GARIN2: variants seen among roughly 807,000 people sequenced by gnomAD.
The protein encoded by GARIN2 is Golgi-associated RAB2 interactor protein 2.
the GARIN2 span, chr14:67,224,113 G>A: frequency 4.9e-5 from 33 of 670,898 alleles, no homozygotes; most frequent in Non-Finnish European, 5.7e-5. Flanking sequence ...AGCAGTTTGC[G>A]AAAGTTAAAT....
At chr14:67,198,590 A>C in the GARIN2 span, among the ~76,000 whole-genome samples, 2 of 152,136 alleles carry the variant, frequency 1.3e-5, no homozygotes, top group Non-Finnish European at 2.9e-5. Context: ...AAATTACATG[A>C]AGCCGTTTTT....
At chr14:67,209,440 A>C in the GARIN2 span, among the ~76,000 whole-genome samples, 1 of 152,218 alleles carries the variant, frequency 6.6e-6, no homozygotes, top group Non-Finnish European at 1.5e-5. Flanking sequence ...AAGTTGATTG[A>C]TTGCATAACA....
the GARIN2 span, chr14:67,198,107 A>G: frequency 6.4e-7 from 1 of 1,571,268 alleles, no homozygotes; most frequent in African/African-American, 1.4e-5. Context: ...TTCTCTCTGT[A>G]TCCACTAATT....
chr14:67,222,533 C>T, the GARIN2 span, among the ~76,000 whole-genome samples: 1 of 152,138 alleles, frequency 6.6e-6, no homozygotes, highest in African/African-American at 2.4e-5. Flanking sequence ...ACCTGGGCCT[C>T]CCAAAGTGCT....
At chr14:67,208,088 C>T in the GARIN2 span, 69 of 1,446,790 alleles carry the variant, frequency 4.8e-5, no homozygotes, top group East Asian at 3.3e-4. Flanking sequence ...CTACTCCTCA[C>T]GGGTGCTCAG....
At chr14:67,206,860 A>G in the GARIN2 span, among the ~76,000 whole-genome samples, 1 of 152,008 alleles carries the variant, frequency 6.6e-6, no homozygotes, top group Non-Finnish European at 1.5e-5. Context: ...CTTTCCAAGT[A>G]GCTGGGATTA....
At chr14:67,204,758 C>T in the GARIN2 span, 107 of 1,613,448 alleles carry the variant, frequency 6.6e-5, no homozygotes, top group Non-Finnish European at 8.2e-5. Context: ...TCAGGAATTA[C>T]GAATAGCACA....
chr14:67,218,689 C>A, the GARIN2 span, among the ~76,000 whole-genome samples: 2 of 152,080 alleles, frequency 1.3e-5, no homozygotes, highest in South Asian at 4.1e-4. Flanking sequence ...GGGATGGAGG[C>A]ACTGCGGAAC....
chr14:67,201,620 G>A, the GARIN2 span: 70 of 444,370 alleles, frequency 1.6e-4, no homozygotes, highest in South Asian at 1.1e-3. Context: ...AAGGGGTGTG[G>A]AGTGGAACCA....
the GARIN2 span, among the ~76,000 whole-genome samples, chr14:67,191,730 A>G: frequency 6.6e-6 from 1 of 152,238 alleles, no homozygotes; most frequent in Non-Finnish European, 1.5e-5. Context: ...TGGAACGTCT[A>G]GAGAGCAGCT....
At chr14:67,219,868 T>G in the GARIN2 span, among the ~76,000 whole-genome samples, 1 of 152,172 alleles carries the variant, frequency 6.6e-6, no homozygotes, top group Non-Finnish European at 1.5e-5. Flanking sequence ...TAAGTAATCC[T>G]CTTAAGCCCA....
the GARIN2 span, among the ~76,000 whole-genome samples, chr14:67,195,982 C>T: frequency 6.6e-6 from 1 of 152,214 alleles, no homozygotes; most frequent in East Asian, 1.9e-4. Context: ...GATGGGGTTT[C>T]GCCATGTTGG....
At chr14:67,204,299 A>G in the GARIN2 span, among the ~76,000 whole-genome samples, 1 of 152,044 alleles carries the variant, frequency 6.6e-6, no homozygotes, top group Admixed American at 6.5e-5. Context: ...TTAGCCAGGC[A>G]TTGGTGGTAC....
the GARIN2 span, chr14:67,201,640 A>G: frequency 4.8e-6 from 2 of 415,606 alleles, no homozygotes; most frequent in Non-Finnish European, 9.6e-6. Flanking sequence ...ACCACTACCC[A>G]TTTAAGTTAA....
the GARIN2 span, among the ~76,000 whole-genome samples, chr14:67,213,735 G>T: frequency 6.6e-6 from 1 of 152,100 alleles, no homozygotes; most frequent in African/African-American, 2.4e-5. Flanking sequence ...CTGAGGAATC[G>T]CCACACTGAC....
chr14:67,208,894 C>A, the GARIN2 span, among the ~76,000 whole-genome samples: 1 of 128,164 alleles, frequency 7.8e-6, no homozygotes, highest in Non-Finnish European at 1.6e-5. Flanking sequence ...AAAACTCTGT[C>A]TCAAAAAAAA....
the GARIN2 span, among the ~76,000 whole-genome samples, chr14:67,225,958 T>TGTGTGTGA: frequency 7.7e-6 from 1 of 130,110 alleles, no homozygotes; most frequent in African/African-American, 3.4e-5. Flanking sequence ...TGTGTGTGTG[T>TGTGTGTGA]GTGTGCGCGC....
At chr14:67,225,986 CGT>C in the GARIN2 span, among the ~76,000 whole-genome samples, 1 of 149,312 alleles carries the variant, frequency 6.7e-6, no homozygotes, top group Non-Finnish European at 1.5e-5. Flanking sequence ...TGCGCATGCG[CGT>C]GCATGCTCAT....
the GARIN2 span, among the ~76,000 whole-genome samples, chr14:67,221,470 G>A: frequency 6.6e-6 from 1 of 152,194 alleles, no homozygotes; most frequent in African/African-American, 2.4e-5. Context: ...CAAGGAGGCG[G>A]CAGTGTTGGG....
Sources: allele counts gnomAD v4.1 joint callset (sites outside exome capture counted in the v4.1 genomes callset), GRCh38; gene constraint gnomAD v4.1.1; transcripts MANE v1.5; gene names NCBI Gene and HGNC (gene_info 2026-07-23, HGNC 2026-07-21).